Variants in OSBP2 observed in about 807,000 individuals in gnomAD.
The protein encoded by OSBP2 is oxysterol binding protein 2.
Under a neutral mutation model 96.0 loss-of-function variants are expected in OSBP2, and 66 were observed. The ratio of observed to expected loss-of-function variants is 0.69; its 90% CI spans 0.56 to 0.84. OSBP2 has a LOEUF of 0.84. Ranked by LOEUF, OSBP2 falls within the 40% of genes least tolerant of loss-of-function variation. The pLI is 0.00. For synonymous variants in OSBP2, 525 were observed against 520.9 expected (o/e 1.01, Z -0.11); for missense variants, 1,038 against 1,222.7 (o/e 0.85, Z 2.25).
Position 30,712,849 on chromosome 22 carries a change from A to G in OSBP2, c.644+17296A>G, listed in dbSNP as rs545696902. On this transcript the variant is annotated intron_variant, in intron 1 of 13. Transcript: ENST00000332585. The stretch of plus-strand genomic sequence containing the variant: ...ATCTGTCTAGTGCCCTCTATGTGCC[A>G]GGCCTGCTTCTTGGGCTGCCAGTAA... Among the ~76,000 whole-genome samples, 3 of 152,170 alleles carry G rather than the reference A, an allele frequency of 2.0e-5. No individual in the cohort carries two copies. In the South Asian group the frequency reaches 6.2e-4, roughly 32 times the overall value.
chr22:30,884,290 C>G (rs895482791), intron 3 of OSBP2, among the ~76,000 whole-genome samples: 2 of 152,188 alleles, frequency 1.3e-5, no homozygotes, highest in African/African-American at 4.8e-5. Flanking sequence ...GGTGACTGCA[C>G]TCCTCCCACC....
intron 2 of OSBP2, among the ~76,000 whole-genome samples, chr22:30,747,371 T>C (rs1317116341): frequency 6.6e-6 from 1 of 152,126 alleles, no homozygotes; most frequent in Non-Finnish European, 1.5e-5. Flanking sequence ...ATTCCAACAC[T>C]TTGGGAGGCT....
chr22:30,718,696 A>G (rs916625507), intron 1 of OSBP2, among the ~76,000 whole-genome samples: 3 of 152,212 alleles, frequency 2.0e-5, no homozygotes, highest in Non-Finnish European at 4.4e-5. Flanking sequence ...TGGAGTTGCA[A>G]CTTTACAACT....
intron 3 of OSBP2, among the ~76,000 whole-genome samples, chr22:30,885,839 C>T (rs1295102734): frequency 6.6e-6 from 1 of 152,258 alleles, no homozygotes. Context: ...ACCCGTGGCA[C>T]CCAGGTTTGC....
intron 2 of OSBP2, among the ~76,000 whole-genome samples, chr22:30,787,248 A>C (rs1432251422): frequency 2.0e-5 from 3 of 152,214 alleles, no homozygotes; most frequent in Non-Finnish European, 2.9e-5. Flanking sequence ...GGAAACTTAC[A>C]GTCATGGCGG....
In OSBP2 at chr22:30,707,977, T is replaced by A. The variant is rs2089282787; in HGVS notation, c.644+12424T>A. 2.6e-5 allele frequency among the ~76,000 whole-genome samples: 4 copies of A among 151,826 alleles called. No homozygotes were observed. In the South Asian group the frequency reaches 8.3e-4, roughly 32 times the overall value. On this transcript the variant is annotated intron_variant, in intron 1 of 13. Coordinates refer to ENST00000332585, the MANE Select transcript of OSBP2 (RefSeq NM_030758.4). ...GTCTTGGCTCACTGCAACCTCTACT[T>A]CCTGGGTTCAAGCGAGTCTCCTGCC...
intron 1 of OSBP2, among the ~76,000 whole-genome samples, chr22:30,731,173 CAAATAAATAAAT>C (rs762030205): frequency 6.6e-6 from 1 of 151,634 alleles, no homozygotes; most frequent in Non-Finnish European, 1.5e-5. Context: ...GACTCCATCT[CAAATAAATAAAT>C]AAATAAATGA....
intron 2 of OSBP2, among the ~76,000 whole-genome samples, chr22:30,846,596 C>A (rs553752778): frequency 1.3e-4 from 19 of 151,446 alleles, no homozygotes; most frequent in African/African-American, 4.4e-4. Context: ...TTTTTTAATC[C>A]CCTTCCCTCC....
chr22:30,733,058 C>G (rs564572133), intron 1 of OSBP2, among the ~76,000 whole-genome samples: 2 of 152,174 alleles, frequency 1.3e-5, no homozygotes, highest in African/African-American at 2.4e-5. Context: ...AAAAGCACTT[C>G]CGTTTCATGA....
intron 12 of OSBP2, among the ~76,000 whole-genome samples, chr22:30,898,466 A>G (rs1385400799): frequency 6.6e-6 from 1 of 152,182 alleles, no homozygotes; most frequent in Non-Finnish European, 1.5e-5. Context: ...TATAAAGGAG[A>G]AAAGGTTTAA....
At chr22:30,839,625 C>G (rs2038706487) in intron 2 of OSBP2, among the ~76,000 whole-genome samples, 1 of 151,894 alleles carries the variant, frequency 6.6e-6, no homozygotes, top group Admixed American at 6.6e-5. Flanking sequence ...TTTCATGTGT[C>G]TTTTGGCTGC....
At chr22:30,738,393 G>A (rs1467552901) in intron 1 of OSBP2, among the ~76,000 whole-genome samples, 1 of 152,048 alleles carries the variant, frequency 6.6e-6, no homozygotes, top group African/African-American at 2.4e-5. Context: ...CAACAGGCAT[G>A]CCCAGCTTCA....
intron 2 of OSBP2, among the ~76,000 whole-genome samples, chr22:30,806,644 C>T (rs1353195287): frequency 6.6e-6 from 1 of 152,148 alleles, no homozygotes; most frequent in African/African-American, 2.4e-5. Context: ...ATTCCACTGC[C>T]CTGGACAGGA....
At chr22:30,878,451 C>T (rs888792303) in intron 3 of OSBP2, among the ~76,000 whole-genome samples, 7 of 152,180 alleles carry the variant, frequency 4.6e-5, no homozygotes, top group Non-Finnish European at 1.0e-4. Flanking sequence ...TGGGGAAGGA[C>T]CCCATGCTGG....
At chr22:30,867,100 C>T (rs141173619) in intron 2 of OSBP2, among the ~76,000 whole-genome samples, 1 of 152,172 alleles carries the variant, frequency 6.6e-6, no homozygotes, top group African/African-American at 2.4e-5. Context: ...GGGTAGTTCA[C>T]GGCCTTGGAG....
intron 2 of OSBP2, among the ~76,000 whole-genome samples, chr22:30,869,026 G>T (rs994771117): frequency 2.0e-5 from 3 of 152,210 alleles, no homozygotes; most frequent in Non-Finnish European, 4.4e-5. Context: ...CTCACTGGGT[G>T]GTGTCAGCCT....
At chr22:30,903,573 G>A (rs1270681725) in intron 12 of OSBP2, among the ~76,000 whole-genome samples, 1 of 152,230 alleles carries the variant, frequency 6.6e-6, no homozygotes, top group Non-Finnish European at 1.5e-5. Flanking sequence ...CTGCTTTTTC[G>A]AGGCTGTGTC....
At chr22:30,826,472 C>G (rs1045761671) in intron 2 of OSBP2, among the ~76,000 whole-genome samples, 1 of 152,180 alleles carries the variant, frequency 6.6e-6, no homozygotes, top group South Asian at 2.1e-4. Context: ...TCCTTGCAGG[C>G]GCAATGCCCA....
At chr22:30,815,391 T>C (rs1257555466) in intron 2 of OSBP2, among the ~76,000 whole-genome samples, 1 of 152,216 alleles carries the variant, frequency 6.6e-6, no homozygotes, top group East Asian at 1.9e-4. Context: ...TCTCACTCCC[T>C]GGGCAGGACA....
Sources: gnomAD v4.1 joint callset for allele counts (sites outside exome capture counted in the v4.1 genomes callset) on GRCh38, gnomAD v4.1.1 for gene constraint, MANE v1.5 for transcripts, NCBI Gene and HGNC (gene_info 2026-07-23, HGNC 2026-07-21) for gene names.